UBE3B: variants seen among roughly 807,000 people sequenced by gnomAD.
UBE3B encodes the protein ubiquitin-protein ligase E3B.
Under a neutral mutation model 132.3 loss-of-function variants are expected in UBE3B, and 80 were observed. That is an observed-to-expected ratio of 0.60 (90% CI 0.50 to 0.73). The LOEUF (loss-of-function observed/expected upper bound fraction) is 0.73, where lower values mean the gene tolerates loss of function less well. Among genes scored for constraint, UBE3B ranks in the 30% least tolerant of loss-of-function variants. The pLI is 0.00. For missense variants in UBE3B, 1,196 were observed against 1,362.5 expected (o/e 0.88, Z 1.92); for synonymous variants, 487 against 520.4 (o/e 0.94, Z 0.87).
chr12:109,525,721 C>T (rs989746125), intron 23 of UBE3B, among the ~76,000 whole-genome samples: 4 of 151,742 alleles, frequency 2.6e-5, no homozygotes, highest in Non-Finnish European at 4.4e-5. Flanking sequence ...ATTTTTCTCC[C>T]GACTATAAAG....
intron 4 of UBE3B, 151 bp downstream of exon 4, chr12:109,484,132 A>T (rs1875966320): frequency 1.2e-6 from 1 of 801,810 alleles, no homozygotes; most frequent in Non-Finnish European, 1.9e-6. Flanking sequence ...CCTGTTTTGG[A>T]GGGATTATGC....
At position 109,518,271 on chromosome 12, in the gene UBE3B, G is replaced by A. The variant is rs568119249; in HGVS notation, c.2076+1387G>A. 5.3e-5 allele frequency among the ~76,000 whole-genome samples: 8 copies of A among 152,218 alleles called. 1 individual carries two copies. Among genetic ancestry groups the A allele is most frequent in the African/African-American group, 1.7e-4 (7 of 41,546 alleles). Reference sequence around the variant, plus strand: ...AGTGTTGGGGAGCAGTTGGAAGCACGTGCCTCCCCAGAAGAGGCCACCGCC... The same window carrying A: ...AGTGTTGGGGAGCAGTTGGAAGCACATGCCTCCCCAGAAGAGGCCACCGCC... On this transcript the variant is annotated intron_variant, in intron 19 of 27. Transcript: ENST00000342494.
intron 18 of UBE3B, among the ~76,000 whole-genome samples, chr12:109,514,451 A>G (rs1286093193): frequency 2.0e-5 from 3 of 152,194 alleles, no homozygotes; most frequent in Admixed American, 2.0e-4. Context: ...ATAGAAATCC[A>G]GAGCCCTGTC....
At chr12:109,519,372 G>T (rs1030211388) in intron 19 of UBE3B, among the ~76,000 whole-genome samples, 1 of 152,216 alleles carries the variant, frequency 6.6e-6, no homozygotes, top group Non-Finnish European at 1.5e-5. Flanking sequence ...TTCCCAGAAG[G>T]CAGGAAATGT....
intron 13 of UBE3B, among the ~76,000 whole-genome samples, chr12:109,502,544 G>A (rs1879134541): frequency 6.6e-6 from 1 of 152,230 alleles, no homozygotes; most frequent in Non-Finnish European, 1.5e-5. Context: ...CTCAGCAAAT[G>A]TGACTCCAGC....
chr12:109,516,696 T>C, intron 18 of UBE3B, 69 bp from the exon 19 acceptor site: 1 of 1,581,392 alleles, frequency 6.3e-7, no homozygotes, highest in Non-Finnish European at 8.6e-7. Flanking sequence ...CAGTCATTTT[T>C]GCAGAGTGTT....
chr12:109,493,656 C>A (rs1252965158), intron 9 of UBE3B, among the ~76,000 whole-genome samples: 1 of 152,146 alleles, frequency 6.6e-6, no homozygotes, highest in African/African-American at 2.4e-5. Context: ...AGTAAGATAT[C>A]AGTGGTTTCA....
At chr12:109,489,521 G>A (rs1472600444) in intron 7 of UBE3B, among the ~76,000 whole-genome samples, 1 of 152,204 alleles carries the variant, frequency 6.6e-6, no homozygotes, top group Admixed American at 6.5e-5. Context: ...GCCTCTTGGG[G>A]GGAACCCAAA....
intron 1 of UBE3B, among the ~76,000 whole-genome samples, chr12:109,479,487 G>A (rs1000597960): frequency 2.6e-5 from 4 of 152,176 alleles, no homozygotes; most frequent in African/African-American, 4.8e-5. Context: ...GCCAAATGTC[G>A]GATAGAAGGA....
At chr12:109,508,716 G>C (rs1765682700) in intron 15 of UBE3B, 4 of 985,386 alleles carry the variant, frequency 4.1e-6, no homozygotes, top group Non-Finnish European at 4.8e-6. Flanking sequence ...ATCACTGGAT[G>C]GGGGTAAGCC....
chr12:109,503,736 C>T (rs1259275313), intron 14 of UBE3B, among the ~76,000 whole-genome samples: 1 of 152,216 alleles, frequency 6.6e-6, no homozygotes, highest in African/African-American at 2.4e-5. Flanking sequence ...GGAAAGTCCC[C>T]TCTGTGAGCA....
At chr12:109,503,360 T>C (rs1012854234) in intron 14 of UBE3B, among the ~76,000 whole-genome samples, 170 bp downstream of exon 14, 6 of 152,214 alleles carry the variant, frequency 3.9e-5, no homozygotes, top group African/African-American at 1.4e-4. Flanking sequence ...ACATTGCTCA[T>C]GCTCACCTCA....
At chr12:109,498,014 T>C (rs1364193420) in intron 10 of UBE3B, 91 bp downstream of exon 10, 59 of 1,420,368 alleles carry the variant, frequency 4.2e-5, no homozygotes, top group Admixed American at 5.3e-5. Flanking sequence ...TCTCTGCTTA[T>C]TTCCACACCT....
At chr12:109,478,555 C>T (rs1269619472) in intron 1 of UBE3B, among the ~76,000 whole-genome samples, 1 of 152,094 alleles carries the variant, frequency 6.6e-6, no homozygotes, top group African/African-American at 2.4e-5. Flanking sequence ...CCGAGGCGGG[C>T]GGATCACCTG....
intron 23 of UBE3B, among the ~76,000 whole-genome samples, chr12:109,525,667 TA>T (rs1187780708): frequency 6.6e-6 from 1 of 152,202 alleles, no homozygotes; most frequent in African/African-American, 2.4e-5. Flanking sequence ...TTACAGAGTT[TA>T]AAATAAATCT....
At chr12:109,486,210 C>T in intron 5 of UBE3B, 139 bp downstream of exon 5, 1 of 924,894 alleles carries the variant, frequency 1.1e-6, no homozygotes, top group Non-Finnish European at 1.6e-6. Flanking sequence ...TACCAAAGTA[C>T]AAATGATTCC....
chr12:109,504,362 T>A (rs568038787), intron 14 of UBE3B, among the ~76,000 whole-genome samples: 9 of 152,340 alleles, frequency 5.9e-5, no homozygotes, highest in Admixed American at 2.0e-4. Context: ...ACTGGCCTAG[T>A]TTAGTAGCAA....
intron 23 of UBE3B, 89 bp from the exon 24 acceptor site, chr12:109,526,269 G>A (rs1026522672): frequency 3.9e-6 from 5 of 1,270,172 alleles, no homozygotes; most frequent in Non-Finnish European, 5.7e-6. Context: ...TCATTATCAT[G>A]GATGTTTGTG....
Position 109,528,581 on chromosome 12 carries a change from C to T in UBE3B, c.2628-1309C>T, listed in dbSNP as rs532484584. ...GAAATCAGTGATGCAAGGCTGGGTG[C>T]GTTGGCTCACACCTGTAATCCCAGC... On this transcript the variant is annotated intron_variant, in intron 24 of 27. Transcript: ENST00000342494. 24 of 822,198 alleles carry T rather than the reference C, an allele frequency of 2.9e-5. No individual in the cohort carries two copies. In the East Asian group the frequency reaches 1.9e-3, roughly 64 times the overall value. The allele number at this position is 822,198 out of a possible 1,614,324, so 50.9% of individuals were successfully genotyped here.
Sources: gnomAD v4.1 joint callset for allele counts (sites outside exome capture counted in the v4.1 genomes callset) on GRCh38, gnomAD v4.1.1 for gene constraint, MANE v1.5 for transcripts, NCBI Gene and HGNC (gene_info 2026-07-23, HGNC 2026-07-21) for gene names.